The following NXPH1 variants were observed in gnomAD, a reference collection of about 807,000 sequenced individuals.
The protein encoded by NXPH1 is neurexophilin 1, also known as neurexophilin-1.
NXPH1 carries 5 observed loss-of-function variants against 23.7 expected under a neutral mutation model. The ratio of observed to expected loss-of-function variants is 0.21; its 90% CI spans 0.11 to 0.44. NXPH1 has a LOEUF of 0.44. NXPH1 is among the 20% of genes least tolerant of loss of function. The pLI is 0.99. For missense variants in NXPH1, 324 were observed against 321.6 expected, an observed-to-expected ratio of 1.01 and a Z score of -0.06; for synonymous variants, 144 against 122.2, an observed-to-expected ratio of 1.18 and a Z score of -1.18.
chr7:8,597,412 C>T (rs1819249799), intron 2 of NXPH1, among the ~76,000 whole-genome samples: 1 of 151,902 alleles, frequency 6.6e-6, no homozygotes, highest in Admixed American at 6.6e-5. Context: ...GGTAGAGCAC[C>T]TGTGTTAGGG....
At chr7:8,586,782 G>T (rs1818989545) in intron 2 of NXPH1, among the ~76,000 whole-genome samples, 1 of 151,868 alleles carries the variant, frequency 6.6e-6, no homozygotes, top group Non-Finnish European at 1.5e-5. Flanking sequence ...TCTTTGTGTT[G>T]GTTTTCTGTG....
At chr7:8,658,077 A>G (rs1364043035) in intron 2 of NXPH1, among the ~76,000 whole-genome samples, 1 of 152,212 alleles carries the variant, frequency 6.6e-6, no homozygotes, top group Middle Eastern at 3.2e-3. Context: ...TGAAGGAAGG[A>G]CAAATTCAGT....
chr7:8,613,794 G>C (rs1346984977), intron 2 of NXPH1, among the ~76,000 whole-genome samples: 1 of 151,350 alleles, frequency 6.6e-6, no homozygotes, highest in Non-Finnish European at 1.5e-5. Context: ...AATAACATTG[G>C]TAATTTTTTT....
At chr7:8,737,581 A>T (rs1357949982) in intron 2 of NXPH1, among the ~76,000 whole-genome samples, 1 of 152,050 alleles carries the variant, frequency 6.6e-6, no homozygotes, top group East Asian at 1.9e-4. Context: ...CCTTCATTTC[A>T]ACCTTGGTGA....
rs748848772 is a variant in NXPH1, at chr7:8,461,836, C to CA, written c.54+26084dup. 4.2e-3 allele frequency among the ~76,000 whole-genome samples: 174 copies of CA among 41,702 alleles called. 5 individuals carry two copies. Among genetic ancestry groups the CA allele is most frequent in the South Asian group, 0.013 (13 of 980 alleles). The allele number at this position is 41,702 out of a possible 152,430, so 27.4% of individuals were successfully genotyped here. On this transcript the variant is annotated intron_variant, in intron 2 of 2. Transcript: ENST00000405863. Reference sequence around the variant, plus strand: ...TGGGCGACAGAGCGAGACTCCGTCTCAAAAAAAAAAAAAAAGAATAAACAC... The same window carrying CA: ...TGGGCGACAGAGCGAGACTCCGTCTCAAAAAAAAAAAAAAAAGAATAAACAC...
chr7:8,735,683 T>G (rs977525555), intron 2 of NXPH1, among the ~76,000 whole-genome samples: 3 of 152,212 alleles, frequency 2.0e-5, no homozygotes, highest in Non-Finnish European at 2.9e-5. Context: ...CCTCTTTTTC[T>G]GTTGTTTGGA....
At chr7:8,578,816 C>G (rs1818806083) in intron 2 of NXPH1, among the ~76,000 whole-genome samples, 1 of 152,188 alleles carries the variant, frequency 6.6e-6, no homozygotes, top group Non-Finnish European at 1.5e-5. Flanking sequence ...AAAGGCTTCT[C>G]TGAAAGCATT....
intron 2 of NXPH1, among the ~76,000 whole-genome samples, chr7:8,491,085 G>A (rs550970900): frequency 6.6e-6 from 1 of 151,952 alleles, no homozygotes; most frequent in Admixed American, 6.6e-5. Context: ...TTCACCAGTT[G>A]CCTTCTTCCT....
chr7:8,586,389 A>G (rs1036526252), intron 2 of NXPH1, among the ~76,000 whole-genome samples: 5 of 152,100 alleles, frequency 3.3e-5, no homozygotes, highest in African/African-American at 1.2e-4. Context: ...CTTAATTAAT[A>G]AAAGCCCATG....
rs191864823 is a variant in NXPH1, at chr7:8,750,410, C to T, written c.55-598C>T. 2.1e-4 allele frequency among the ~76,000 whole-genome samples: 32 copies of T among 152,140 alleles called. 1 individual carries two copies. The East Asian group carries it at 4.4e-3, about 21-fold the overall frequency. On this transcript the variant is annotated intron_variant, in intron 2 of 2. Coordinates refer to ENST00000405863, the MANE Select transcript of NXPH1 (RefSeq NM_152745.3). ...GCATACATGTGCCATGGTGTTTTGC[C>T]GCACCTATTGACCCGTTCTCTAAGT... is the stretch of plus-strand genomic sequence containing the variant.
At chr7:8,515,630 A>G (rs1817675574) in intron 2 of NXPH1, among the ~76,000 whole-genome samples, 1 of 152,156 alleles carries the variant, frequency 6.6e-6, no homozygotes, top group South Asian at 2.1e-4. Flanking sequence ...CAACTCATGA[A>G]TTCCACATTA....
chr7:8,679,774 A>C lies in NXPH1; in HGVS notation c.55-71234A>C, dbSNP rs566546874. Among the ~76,000 whole-genome samples, 7 of 152,300 alleles carry C rather than the reference A, an allele frequency of 4.6e-5. No homozygotes were observed. The South Asian group carries it at 1.2e-3, about 27-fold the overall frequency. ...GCAGTGGCTCACGCCTGTAATCCCA[A>C]CACTTTGGGAGGCCAAGGTGGGCAG... On this transcript the variant is annotated intron_variant, in intron 2 of 2. Transcript: ENST00000405863.
At chr7:8,664,494 G>C (rs900088059) in intron 2 of NXPH1, among the ~76,000 whole-genome samples, 1 of 151,976 alleles carries the variant, frequency 6.6e-6, no homozygotes, top group Non-Finnish European at 1.5e-5. Context: ...TCTATTTACT[G>C]TAGAAACTTA....
chr7:8,649,392 T>C (rs1428427177), intron 2 of NXPH1, among the ~76,000 whole-genome samples: 1 of 152,166 alleles, frequency 6.6e-6, no homozygotes, highest in African/African-American at 2.4e-5. Flanking sequence ...TCAAACTACC[T>C]ACTTTACAAA....
At chr7:8,666,271 A>G (rs1305309318) in intron 2 of NXPH1, among the ~76,000 whole-genome samples, 1 of 152,026 alleles carries the variant, frequency 6.6e-6, no homozygotes, top group Non-Finnish European at 1.5e-5. Flanking sequence ...ATGTTTGTCA[A>G]AGGATTATTC....
chr7:8,739,669 A>G (rs1780328105), intron 2 of NXPH1, among the ~76,000 whole-genome samples: 1 of 151,990 alleles, frequency 6.6e-6, no homozygotes, highest in Non-Finnish European at 1.5e-5. Context: ...TTTTTTCTTT[A>G]TAAACTTTTA....
intron 2 of NXPH1, among the ~76,000 whole-genome samples, chr7:8,697,443 G>A (rs967978853): frequency 6.6e-6 from 1 of 152,154 alleles, no homozygotes; most frequent in African/African-American, 2.4e-5. Flanking sequence ...GACTGCAATA[G>A]TAGCCATGGC....
rs60436502 is a variant in NXPH1 at position 8,483,965 on chromosome 7, C to CTTTTTTTTTTTTTTT, written c.54+48201_54+48215dup. Among the ~76,000 whole-genome samples the CTTTTTTTTTTTTTTT allele has an allele frequency of 1.4e-4, 19 of 132,316 alleles. 1 individual carries two copies. Among genetic ancestry groups the CTTTTTTTTTTTTTTT allele is most frequent in the African/African-American group, 5.9e-4 (19 of 32,040 alleles). 86.8% of individuals were successfully genotyped at this position (132,316 alleles called of 152,430 possible). A position where few individuals can be genotyped will look rare whatever the true frequency, so the allele number is the denominator to read the frequency against. On this transcript the variant is annotated intron_variant, in intron 2 of 2. Coordinates refer to ENST00000405863, the MANE Select transcript of NXPH1 (RefSeq NM_152745.3). The stretch of plus-strand genomic sequence containing the variant: ...CTAGAATAAATAACACTCCCCCCAC[C>CTTTTTTTTTTTTTTT]TTTTTTTTTTTTTTTTTAAGAAGTA...
intron 2 of NXPH1, among the ~76,000 whole-genome samples, chr7:8,731,199 T>A (rs1404798875): frequency 3.9e-5 from 6 of 152,114 alleles, no homozygotes; most frequent in African/African-American, 7.2e-5. Flanking sequence ...CATCAGCTCC[T>A]TTAAGCACTT....
Sources: gnomAD v4.1 joint callset for allele counts (sites outside exome capture counted in the v4.1 genomes callset) on GRCh38, gnomAD v4.1.1 for gene constraint, MANE v1.5 for transcripts, NCBI Gene and HGNC (gene_info 2026-07-23, HGNC 2026-07-21) for gene names.